The following TYR variants were observed in gnomAD, a reference collection of about 807,000 sequenced individuals.
TYR encodes the protein LB24-AB.
In TYR, 58 loss-of-function variants were observed where a neutral mutation model predicts 51.5. The ratio of observed to expected loss-of-function variants is 1.13; its 90% CI spans 0.91 to 1.40. The LOEUF is 1.40. Among genes scored for constraint, TYR ranks in the 40% most tolerant of loss-of-function variants. The pLI, the probability that TYR is intolerant of heterozygous loss-of-function variation, is 0.00. For missense variants in TYR, 732 were observed against 647.4 expected (o/e 1.13, Z -1.42); for synonymous variants, 263 against 235.2 (o/e 1.12, Z -1.08).
At chr11:89,236,242 A>T (rs975734194) in intron 3 of TYR, among the ~76,000 whole-genome samples, 1 of 151,830 alleles carries the variant, frequency 6.6e-6, no homozygotes, top group South Asian at 2.1e-4. Context: ...ACATACACAC[A>T]CACACACACA....
At chr11:89,236,921 A>T (rs981906321) in intron 3 of TYR, among the ~76,000 whole-genome samples, 1 of 152,092 alleles carries the variant, frequency 6.6e-6, no homozygotes, top group African/African-American at 2.4e-5. Flanking sequence ...CCAAAATCTA[A>T]TTATGAATAC....
chr11:89,235,123 A>G (rs1944094515), intron 3 of TYR, among the ~76,000 whole-genome samples: 1 of 152,204 alleles, frequency 6.6e-6, no homozygotes, highest in Non-Finnish European at 1.5e-5. Flanking sequence ...AACTGAAACC[A>G]CAATGGGATA....
intron 1 of TYR, among the ~76,000 whole-genome samples, chr11:89,188,003 C>G (rs926215566): frequency 1.3e-5 from 2 of 149,864 alleles, no homozygotes; most frequent in Non-Finnish European, 3.0e-5. Flanking sequence ...TGGAGTAGGT[C>G]TAGTAAGTGT....
intron 2 of TYR, among the ~76,000 whole-genome samples, chr11:89,198,394 G>C (rs950820784): frequency 6.6e-6 from 1 of 152,090 alleles, no homozygotes; most frequent in African/African-American, 2.4e-5. Flanking sequence ...CAGAAACTCA[G>C]TAGTTTGGTG....
chr11:89,180,883 G>A (rs1007721765), intron 1 of TYR, among the ~76,000 whole-genome samples: 6 of 151,994 alleles, frequency 3.9e-5, no homozygotes, highest in African/African-American at 1.2e-4. Context: ...AGTTAAGATC[G>A]ATTGCTTACA....
intron 2 of TYR, among the ~76,000 whole-genome samples, chr11:89,211,756 C>G (rs1371960795): frequency 1.3e-5 from 2 of 152,164 alleles, no homozygotes; most frequent in Non-Finnish European, 2.9e-5. Context: ...TCTCTCAGAC[C>G]ACAGTGCAAT....
In TYR at chr11:89,191,404, G is replaced by A. The variant is rs2135253448; in HGVS notation, c.1022G>A (p.Arg341Lys). The change falls in exon 2 of 5, where the codon AGA (arginine) becomes AAA (lysine). Residue 341 changes from arginine (R) to lysine (K), a missense_variant. Physicochemically the swap from Arg to Lys is conservative, Grantham distance 26. Transcript: ENST00000263321. ...GATAAAGCTGCCAATTTCAGCTTTAGAAATACACTGGAAGGTAATCTCTTT... is the reference window on the plus strand; with the variant it reads ...GATAAAGCTGCCAATTTCAGCTTTAAAAATACACTGGAAGGTAATCTCTTT... ...SMDKAANFSF[R>K]NTLEGFASPL... 6.2e-7 allele frequency: 1 copy of A among 1,613,384 alleles called. No homozygotes were observed. Among genetic ancestry groups the A allele is most frequent in the Non-Finnish European group, 8.5e-7 (1 of 1,179,498 alleles).
At chr11:89,201,101 T>C (rs890068264) in intron 2 of TYR, among the ~76,000 whole-genome samples, 1 of 152,196 alleles carries the variant, frequency 6.6e-6, no homozygotes, top group African/African-American at 2.4e-5. Flanking sequence ...ACATTATTAA[T>C]ATCACCACCA....
chr11:89,206,824 G>A (rs1011028531), intron 2 of TYR, among the ~76,000 whole-genome samples: 1 of 152,078 alleles, frequency 6.6e-6, no homozygotes, highest in Non-Finnish European at 1.5e-5. Flanking sequence ...TCAATAACAT[G>A]AGGGAAAGAT....
At chr11:89,244,873 G>A (rs4121397) in intron 3 of TYR, among the ~76,000 whole-genome samples, 8 of 152,258 alleles carry the variant, frequency 5.3e-5, no homozygotes, top group Non-Finnish European at 1.0e-4. Flanking sequence ...TAGTTTCCTC[G>A]AGGGCAGATA....
chr11:89,236,440 A>G (rs571126220), intron 3 of TYR, among the ~76,000 whole-genome samples: 1 of 152,204 alleles, frequency 6.6e-6, no homozygotes, highest in African/African-American at 2.4e-5. Context: ...AGAATTCTCT[A>G]TTAATTCTAT....
chr11:89,275,360 G>A (rs1418436833), intron 3 of TYR, among the ~76,000 whole-genome samples: 1 of 151,852 alleles, frequency 6.6e-6, no homozygotes, highest in East Asian at 1.9e-4. Flanking sequence ...GCATGTTAGT[G>A]GAAAAGCATT....
intron 3 of TYR, among the ~76,000 whole-genome samples, chr11:89,240,344 A>C (rs1944175797): frequency 6.6e-6 from 1 of 152,230 alleles, no homozygotes. Flanking sequence ...AAAAATATTC[A>C]GAAAATACAA....
chr11:89,199,414 T>C (rs1943568242), intron 2 of TYR, among the ~76,000 whole-genome samples: 1 of 152,308 alleles, frequency 6.6e-6, no homozygotes, highest in Non-Finnish European at 1.5e-5. Context: ...TTGTGTCATC[T>C]TCACTCTGAA....
At chr11:89,218,874 C>T (rs1943870609) in intron 2 of TYR, among the ~76,000 whole-genome samples, 1 of 152,054 alleles carries the variant, frequency 6.6e-6, no homozygotes, top group Non-Finnish European at 1.5e-5. Flanking sequence ...ATAGAAAAGC[C>T]AAGTTTTAGA....
Position 89,181,991 on chromosome 11 carries a change from C to T in TYR, c.819+3219C>T, listed in dbSNP as rs572924667. On this transcript the variant is annotated intron_variant, in intron 1 of 4. Coordinates refer to ENST00000263321, the MANE Select transcript of TYR (RefSeq NM_000372.5). The stretch of plus-strand genomic sequence containing the variant: ...GTGATGTAGTCCTTTTAATTTATAT[C>T]ATAATGAAAATATTCTGAGACTTTT... Among the ~76,000 whole-genome samples the T allele has an allele frequency of 1.3e-3, 195 of 152,280 alleles. 1 individual carries two copies. The highest frequency in any genetic ancestry group is 2.2e-3 in the Non-Finnish European group (151 of 68,022).
At chr11:89,247,026 A>T (rs776857663) in intron 3 of TYR, among the ~76,000 whole-genome samples, 5 of 152,210 alleles carry the variant, frequency 3.3e-5, no homozygotes, top group Non-Finnish European at 5.9e-5. Flanking sequence ...TTGGATTGTG[A>T]CCAGCTTTAA....
chr11:89,206,867 C>G (rs1943678497), intron 2 of TYR, among the ~76,000 whole-genome samples: 1 of 151,894 alleles, frequency 6.6e-6, no homozygotes, highest in Non-Finnish European at 1.5e-5. Flanking sequence ...CAAAGCACTT[C>G]TAAATAACCC....
intron 3 of TYR, among the ~76,000 whole-genome samples, chr11:89,259,289 T>C (rs1944430360): frequency 1.3e-5 from 2 of 152,148 alleles, no homozygotes; most frequent in African/African-American, 4.8e-5. Flanking sequence ...CTTCTCATAC[T>C]GAGAATCAAA....
Sources: allele counts gnomAD v4.1 joint callset (sites outside exome capture counted in the v4.1 genomes callset), GRCh38; gene constraint gnomAD v4.1.1; transcripts MANE v1.5; gene names NCBI Gene and HGNC (gene_info 2026-07-23, HGNC 2026-07-21).